RBFOX1: variants seen among roughly 807,000 people sequenced by gnomAD.
RBFOX1 encodes RNA binding protein fox-1 homolog 1.
Under a neutral mutation model 57.7 loss-of-function variants are expected in RBFOX1, and 8 were observed. That is an observed-to-expected ratio of 0.14 (90% CI 0.08 to 0.25). The LOEUF (loss-of-function observed/expected upper bound fraction) is 0.25, where lower values mean the gene tolerates loss of function less well. Among genes scored for constraint, RBFOX1 ranks in the 10% least tolerant of loss-of-function variants. The pLI, the probability that RBFOX1 is intolerant of heterozygous loss-of-function variation, is 1.00. For missense variants in RBFOX1, 611 were observed against 548.5 expected (o/e 1.11, Z -1.14); for synonymous variants, 326 against 222.4 (o/e 1.47, Z -4.15).
intron 1 of RBFOX1, among the ~76,000 whole-genome samples, chr16:6,076,373 G>T (rs4447432): frequency 2.0e-5 from 3 of 151,560 alleles, no homozygotes; most frequent in Non-Finnish European, 4.4e-5. Flanking sequence ...CCACCTCTTT[G>T]GGTTACATAT....
chr16:6,057,948 T>G (rs1188788381), intron 1 of RBFOX1, among the ~76,000 whole-genome samples: 1 of 145,658 alleles, frequency 6.9e-6, no homozygotes, highest in African/African-American at 2.6e-5. Context: ...AGGTCAAAGA[T>G]GAGGGGAAAT....
intron 3 of RBFOX1, among the ~76,000 whole-genome samples, chr16:7,026,246 G>T (rs968786465): frequency 3.3e-5 from 5 of 152,154 alleles, no homozygotes; most frequent in Non-Finnish European, 5.9e-5. Flanking sequence ...CCATGAAGCT[G>T]CTGTTTTTCC....
chr16:6,628,326 C>A (rs1285659855), intron 2 of RBFOX1, among the ~76,000 whole-genome samples: 1 of 152,156 alleles, frequency 6.6e-6, no homozygotes, highest in South Asian at 2.1e-4. Context: ...CGGTATCTTC[C>A]TAAACCTAGA....
chr16:6,638,573 G>C (rs1405666973), intron 2 of RBFOX1, among the ~76,000 whole-genome samples: 1 of 152,136 alleles, frequency 6.6e-6, no homozygotes, highest in Admixed American at 6.6e-5. Context: ...CAAGAAAATG[G>C]CTATCGGTAT....
chr16:6,012,794 C>A (rs2094969468), intron 4 of RBFOX1, among the ~76,000 whole-genome samples: 1 of 152,086 alleles, frequency 6.6e-6, no homozygotes. Context: ...TGCAAGGTAC[C>A]TGTAGGGGGG....
chr16:5,928,292 G>A (rs1948167627), intron 4 of RBFOX1, among the ~76,000 whole-genome samples: 1 of 151,510 alleles, frequency 6.6e-6, no homozygotes, highest in South Asian at 2.1e-4. Flanking sequence ...GTGTTGCTCT[G>A]GCTGGTCTTA....
chr16:5,981,440 C>G (rs905082220), intron 4 of RBFOX1, among the ~76,000 whole-genome samples: 1 of 152,128 alleles, frequency 6.6e-6, no homozygotes, highest in South Asian at 2.1e-4. Context: ...TAGATTATTT[C>G]TTTCCTTCTG....
At chr16:6,546,701 G>C (rs1021703779) in intron 2 of RBFOX1, among the ~76,000 whole-genome samples, 10 of 151,756 alleles carry the variant, frequency 6.6e-5, no homozygotes, top group Non-Finnish European at 1.3e-4. Flanking sequence ...TGCAAACAAG[G>C]TCACATTACC....
At chr16:5,507,811 G>C (rs181943793) in intron 2 of RBFOX1, among the ~76,000 whole-genome samples, 1 of 152,166 alleles carries the variant, frequency 6.6e-6, no homozygotes, top group African/African-American at 2.4e-5. Context: ...CCCAAGGATC[G>C]CTGGAACCAC....
At chr16:6,985,147 C>A (rs945549135) in intron 3 of RBFOX1, among the ~76,000 whole-genome samples, 1 of 152,178 alleles carries the variant, frequency 6.6e-6, no homozygotes, top group Non-Finnish European at 1.5e-5. Flanking sequence ...CCTCTTCTTT[C>A]CTCTGCCCTT....
At chr16:6,247,358 C>T (rs2097575068) in intron 1 of RBFOX1, among the ~76,000 whole-genome samples, 1 of 152,160 alleles carries the variant, frequency 6.6e-6, no homozygotes, top group African/African-American at 2.4e-5. Context: ...ACTTTGGCAG[C>T]TGGTCACATG....
intron 3 of RBFOX1, among the ~76,000 whole-genome samples, chr16:5,613,902 C>T (rs1231897218): frequency 1.3e-5 from 2 of 150,564 alleles, no homozygotes; most frequent in African/African-American, 2.5e-5. Context: ...CTCCCATTTT[C>T]CTCCTGTAGA....
At chr16:6,505,583 G>A (rs2153750141) in intron 2 of RBFOX1, among the ~76,000 whole-genome samples, 1 of 152,282 alleles carries the variant, frequency 6.6e-6, no homozygotes, top group East Asian at 1.9e-4. Flanking sequence ...CCTGGCTTAT[G>A]TTTGGGTATA....
chr16:7,401,316 T>C (rs2098239313), intron 4 of RBFOX1, among the ~76,000 whole-genome samples: 1 of 152,200 alleles, frequency 6.6e-6, no homozygotes, highest in Admixed American at 6.5e-5. Flanking sequence ...AGCATCTGAA[T>C]TACATTGCTT....
At chr16:5,641,138 CATGA>C (rs2048858722) in intron 3 of RBFOX1, among the ~76,000 whole-genome samples, 1 of 150,908 alleles carries the variant, frequency 6.6e-6, no homozygotes, top group Non-Finnish European at 1.5e-5. Flanking sequence ...ACATGCACAC[CATGA>C]ATACACACAC....
intron 2 of RBFOX1, among the ~76,000 whole-genome samples, chr16:6,617,848 G>C (rs1567904855): frequency 6.6e-6 from 1 of 152,214 alleles, no homozygotes; most frequent in Non-Finnish European, 1.5e-5. Context: ...AGGAAGTGAT[G>C]TGAGTTTCAA....
intron 5 of RBFOX1, among the ~76,000 whole-genome samples, chr16:7,542,873 G>C (rs1476116781): frequency 6.7e-6 from 1 of 149,346 alleles, no homozygotes; most frequent in Non-Finnish European, 1.5e-5. Flanking sequence ...GGAAAGGGAA[G>C]GATCTAGCTA....
chr16:7,061,811 C>G (rs140405791), intron 4 of RBFOX1, among the ~76,000 whole-genome samples: 143 of 152,230 alleles, frequency 9.4e-4, no homozygotes, highest in African/African-American at 3.2e-3. Flanking sequence ...AAGGACTTGT[C>G]TTCCTGCTCT....
intron 1 of RBFOX1, among the ~76,000 whole-genome samples, chr16:6,153,536 G>A (rs1053799862): frequency 2.0e-5 from 3 of 149,354 alleles, no homozygotes; most frequent in Non-Finnish European, 3.0e-5. Flanking sequence ...TCCATTGTAC[G>A]TTTTTTTTTT....
Sources: allele counts gnomAD v4.1 joint callset (sites outside exome capture counted in the v4.1 genomes callset), GRCh38; gene constraint gnomAD v4.1.1; transcripts MANE v1.5; gene names NCBI Gene and HGNC (gene_info 2026-07-23, HGNC 2026-07-21).